SLC25A20: variants seen among roughly 807,000 people sequenced by gnomAD.
SLC25A20 encodes the protein solute carrier family 25 member 20, also known as mitochondrial carnitine/acylcarnitine carrier protein.
A neutral mutation model predicts 39.7 loss-of-function variants in SLC25A20; 29 were observed. The observed-to-expected ratio is 0.73, with a 90% CI of 0.54 to 1.00. The LOEUF is 1.00. Among genes scored for constraint, SLC25A20 ranks in the 50% least tolerant of loss-of-function variants. The pLI, the probability that SLC25A20 is intolerant of heterozygous loss-of-function variation, is 0.00. For synonymous variants in SLC25A20, 103 were observed against 142.2 expected, an observed-to-expected ratio of 0.72 and a Z score of 1.96; for missense variants, 333 against 379.9, an observed-to-expected ratio of 0.88 and a Z score of 1.03.
intron 4 of SLC25A20, among the ~76,000 whole-genome samples, chr3:48,864,147 A>G (rs2083647649): frequency 6.6e-6 from 1 of 151,888 alleles, no homozygotes; most frequent in African/African-American, 2.4e-5. Context: ...GGAGTTCGAG[A>G]CCAGCCTGGC....
chr3:48,889,338 C>CA (rs748144792), intron 2 of SLC25A20, among the ~76,000 whole-genome samples: 4 of 151,582 alleles, frequency 2.6e-5, no homozygotes, highest in Non-Finnish European at 4.4e-5. Context: ...TGCAGTGAGC[C>CA]AAGTTCATGC....
chr3:48,890,795 C>T (rs1359481398), intron 2 of SLC25A20, among the ~76,000 whole-genome samples: 1 of 151,190 alleles, frequency 6.6e-6, no homozygotes, highest in Non-Finnish European at 1.5e-5. Context: ...GCTGGGACTA[C>T]AGGTGCCCGC....
At chr3:48,888,399 A>T (rs1420570206) in intron 2 of SLC25A20, among the ~76,000 whole-genome samples, 3 of 148,664 alleles carry the variant, frequency 2.0e-5, no homozygotes, top group African/African-American at 7.5e-5. Flanking sequence ...GTAAAACCCC[A>T]TTTCTACTAA....
At chr3:48,896,505 T>C (rs2083910596) in intron 1 of SLC25A20, among the ~76,000 whole-genome samples, 1 of 151,660 alleles carries the variant, frequency 6.6e-6, no homozygotes, top group East Asian at 1.9e-4. Context: ...TTTGTTTTGT[T>C]TTGTTTTGTT....
At chr3:48,859,504 G>T in intron 6 of SLC25A20, 51 bp downstream of exon 6, 2 of 1,430,512 alleles carry the variant, frequency 1.4e-6, no homozygotes, top group Non-Finnish European at 9.9e-7. Context: ...ACAGGAGAGG[G>T]CAACGCACCC....
intron 4 of SLC25A20, among the ~76,000 whole-genome samples, chr3:48,869,499 G>A (rs2083697656): frequency 6.6e-6 from 1 of 152,094 alleles, no homozygotes; most frequent in Non-Finnish European, 1.5e-5. Flanking sequence ...TGGGATTACA[G>A]GCATGAGCCA....
At chr3:48,889,246 C>T (rs914878724) in intron 2 of SLC25A20, among the ~76,000 whole-genome samples, 5 of 151,428 alleles carry the variant, frequency 3.3e-5, no homozygotes, top group African/African-American at 1.2e-4. Context: ...TGCAATTAGC[C>T]AGGCATGATG....
chr3:48,874,214 C>T (rs13073997), intron 4 of SLC25A20, among the ~76,000 whole-genome samples: 11,536 of 152,102 alleles, frequency 0.076, 579 homozygotes, highest in Middle Eastern at 0.11. Flanking sequence ...ATCGCTTGAA[C>T]CCAGGAGGAG....
chr3:48,879,764 C>T (rs910097009), intron 3 of SLC25A20, among the ~76,000 whole-genome samples: 1 of 152,134 alleles, frequency 6.6e-6, no homozygotes, highest in South Asian at 2.1e-4. Context: ...TCCATCCATG[C>T]GCCTGCCAGG....
chr3:48,875,208 A>G (rs928502594), intron 4 of SLC25A20, among the ~76,000 whole-genome samples: 1 of 151,534 alleles, frequency 6.6e-6, no homozygotes, highest in Non-Finnish European at 1.5e-5. Flanking sequence ...GGTTCAAGCA[A>G]TTCTCTGCCT....
intron 2 of SLC25A20, among the ~76,000 whole-genome samples, chr3:48,884,452 T>G (rs1299428997): frequency 6.6e-6 from 1 of 152,010 alleles, no homozygotes; most frequent in Non-Finnish European, 1.5e-5. Context: ...TGGGCTCAAG[T>G]GATCCTCCCA....
chr3:48,898,672 C>T lies in SLC25A20; in HGVS notation c.105+18G>A, dbSNP rs1199869506. 1 of 1,583,142 alleles carries T rather than the reference C, an allele frequency of 6.3e-7. No individual in the cohort carries two copies. The highest frequency in any genetic ancestry group is 2.3e-5 in the East Asian group (1 of 43,282). ...GCCCGGGCCTCCTCCCCAAAGCCTG[C>T]GACCCAGCCTCCCGCACCTTGACCG... is the stretch of plus-strand genomic sequence containing the variant. On this transcript the variant is annotated intron_variant, in intron 1 of 8. Coordinates refer to ENST00000319017, the MANE Select transcript of SLC25A20 (RefSeq NM_000387.6).
chr3:48,874,228 G>A (rs1024319033), intron 4 of SLC25A20, among the ~76,000 whole-genome samples: 1 of 151,598 alleles, frequency 6.6e-6, no homozygotes, highest in African/African-American at 2.4e-5. Flanking sequence ...GGAGGAGGAG[G>A]TTGTGGTAAA....
intron 4 of SLC25A20, among the ~76,000 whole-genome samples, chr3:48,878,373 AC>A (rs2083777822): frequency 6.6e-6 from 1 of 151,292 alleles, no homozygotes; most frequent in Admixed American, 6.6e-5. Context: ...TCACTCTGTC[AC>A]CCAGACTGAA....
At chr3:48,890,716 G>A (rs2083866731) in intron 2 of SLC25A20, among the ~76,000 whole-genome samples, 1 of 131,742 alleles carries the variant, frequency 7.6e-6, no homozygotes, top group African/African-American at 2.9e-5. Flanking sequence ...GTGCAGTGGT[G>A]TGATCTCAGC....
At chr3:48,865,595 TAAAAAAAAAA>T (rs766275901) in intron 4 of SLC25A20, among the ~76,000 whole-genome samples, 1 of 85,104 alleles carries the variant, frequency 1.2e-5, no homozygotes, top group East Asian at 3.5e-4. Flanking sequence ...ACCCTGTTTC[TAAAAAAAAAA>T]AAAAAAAAAA....
chr3:48,888,806 G>A (rs1189488118), intron 2 of SLC25A20, among the ~76,000 whole-genome samples: 2 of 151,866 alleles, frequency 1.3e-5, no homozygotes, highest in Non-Finnish European at 2.9e-5. Flanking sequence ...ATATTTTAGG[G>A]CCAGGCGTGG....
Position 48,859,800 on chromosome 3 carries a change from A to C in SLC25A20, c.536-173T>G, listed in dbSNP as rs535177853. Among the ~76,000 whole-genome samples, 289 of 152,304 alleles carry C rather than the reference A, an allele frequency of 1.9e-3. 3 individuals are homozygous for C. Among genetic ancestry groups the C allele is most frequent in the African/African-American group, 6.4e-3 (265 of 41,572 alleles). ...AAAATTGTTTTTTAATTGGGTGACC[A>C]GATTTGGTTCAATTTATTTGCTTTC... On this transcript the variant is annotated intron_variant, in intron 5 of 8. Coordinates refer to ENST00000319017, the MANE Select transcript of SLC25A20 (RefSeq NM_000387.6).
chr3:48,898,719 A>C lies in SLC25A20; in HGVS notation c.76T>G (p.Phe26Val), dbSNP rs1439890633. 1 of 1,608,190 alleles carries C rather than the reference A, an allele frequency of 6.2e-7. No individual in the cohort carries two copies. The highest frequency in any genetic ancestry group is 1.3e-5 in the African/African-American group (1 of 74,818). The change falls in exon 1 of 9, where the codon TTC becomes GTC. Residue 26 changes from phenylalanine to valine, a missense_variant. Coordinates refer to ENST00000319017, the MANE Select transcript of SLC25A20 (RefSeq NM_000387.6). ...AGGFGGVCLVFVGHPLDTVKV... is the reference protein window; with the variant it reads ...AGGFGGVCLVVVGHPLDTVKV... ...ACCGTGTCCAGAGGGTGACCGACGA[A>C]CACCAGGCACACGCCGCCAAAGCCG...
Sources: allele counts gnomAD v4.1 joint callset (sites outside exome capture counted in the v4.1 genomes callset), GRCh38; gene constraint gnomAD v4.1.1; transcripts MANE v1.5; gene names NCBI Gene and HGNC (gene_info 2026-07-23, HGNC 2026-07-21).